The following CACNA1S variants were observed in gnomAD, a reference collection of about 807,000 sequenced individuals.
CACNA1S encodes the protein calcium voltage-gated channel subunit alpha1 S.
In CACNA1S, 126 loss-of-function variants were observed where a neutral mutation model predicts 207.4. That is an observed-to-expected ratio of 0.61 (90% confidence interval 0.53 to 0.70). The LOEUF (loss-of-function observed/expected upper bound fraction) is 0.70, where lower values mean the gene tolerates loss of function less well. CACNA1S is among the 30% of genes least tolerant of loss of function. The probability of loss-of-function intolerance (pLI) is 0.00; values close to 1 mark genes in which losing one functional copy is unlikely to be tolerated. For synonymous variants in CACNA1S, 960 were observed against 932.7 expected, an observed-to-expected ratio of 1.03 and a Z score of -0.53; for missense variants, 2,349 against 2,422.8, an observed-to-expected ratio of 0.97 and a Z score of 0.64.
chr1:201,111,112 C>A (rs1255082639), intron 1 of CACNA1S, among the ~76,000 whole-genome samples: 1 of 152,072 alleles, frequency 6.6e-6, no homozygotes, highest in Admixed American at 6.5e-5. Flanking sequence ...ACAGAGTAAA[C>A]CTGATTGCAG....
At chr1:201,100,399 C>T (rs1047648593) in intron 2 of CACNA1S, among the ~76,000 whole-genome samples, 7 of 152,232 alleles carry the variant, frequency 4.6e-5, no homozygotes, top group African/African-American at 1.7e-4. Context: ...AGGGCCCTGG[C>T]ATCTCCACAA....
intron 2 of CACNA1S, 29 bp from the exon 3 acceptor site, chr1:201,094,050 C>T: frequency 6.2e-7 from 1 of 1,613,950 alleles, no homozygotes; most frequent in South Asian, 1.1e-5. Context: ...TCACAGCATG[C>T]CTCTGTGCTC....
At position 201,040,250 on chromosome 1, in the gene CACNA1S, G is replaced by A; in HGVS notation, c.5351C>T (p.Thr1784Ile). 8.7e-6 allele frequency: 14 copies of A among 1,613,730 alleles called. No individual in the cohort carries two copies. Among genetic ancestry groups the A allele is most frequent in the Non-Finnish European group, 1.2e-5 (14 of 1,180,018 alleles). Residue 1784 changes from threonine to isoleucine, a missense_variant, in exon 43 of 44, where the codon ACA becomes ATA. Thr to Ile is a moderately conservative substitution (Grantham distance 89). Transcript: ENST00000362061. ...ENTSRCSAPA[T>I]ALLIQKALVR... Reference sequence around the variant, plus strand: ...GCTCACCTTTTGGATCAGCAGGGCTGTAGCTGGTGCTGAGCACCTGGAAGT... The same window carrying A: ...GCTCACCTTTTGGATCAGCAGGGCTATAGCTGGTGCTGAGCACCTGGAAGT...
At chr1:201,085,360 C>A (rs1327066077) in intron 8 of CACNA1S, 76 bp downstream of exon 8, 1 of 1,588,338 alleles carries the variant, frequency 6.3e-7, no homozygotes, top group Non-Finnish European at 8.6e-7. Context: ...GCTCAGTGGG[C>A]CTGATTGCAA....
At chr1:201,054,470 A>G (rs754046110) in intron 29 of CACNA1S, 35 bp downstream of exon 29, 2 of 1,607,004 alleles carry the variant, frequency 1.2e-6, no homozygotes, top group Admixed American at 1.7e-5. Context: ...GGAGCTGGTG[A>G]GCGTGCCAGG....
At position 201,063,473 on chromosome 1, in the gene CACNA1S, GA is replaced by G. The variant is rs372740128; in HGVS notation, c.2854-960del. Among the ~76,000 whole-genome samples the G allele has an allele frequency of 5.5e-4, 84 of 152,096 alleles. 1 individual carries two copies. Among genetic ancestry groups the G allele is most frequent in the African/African-American group, 2.0e-3 (81 of 41,510 alleles). ...CCCAGCTAATTTTTGTATTTTTAGT[GA>G]GAAGGGGTTTCACCATGTTGGTCAG... is the stretch of plus-strand genomic sequence containing the variant. On this transcript the variant is annotated intron_variant, in intron 22 of 43. Transcript: ENST00000362061.
chr1:201,062,739 G>C (rs1661107668), intron 22 of CACNA1S, among the ~76,000 whole-genome samples: 1 of 152,208 alleles, frequency 6.6e-6, no homozygotes, highest in East Asian at 1.9e-4. Flanking sequence ...GCTCCCCCAG[G>C]GCTTCCCCAC....
At chr1:201,065,188 A>T (rs752037066) in intron 22 of CACNA1S, among the ~76,000 whole-genome samples, 1 of 152,254 alleles carries the variant, frequency 6.6e-6, no homozygotes, top group Non-Finnish European at 1.5e-5. Flanking sequence ...GACTTGCCAC[A>T]TATTAGCCTT....
chr1:201,078,652 C>G (rs1661721803), intron 10 of CACNA1S, among the ~76,000 whole-genome samples: 1 of 152,046 alleles, frequency 6.6e-6, no homozygotes, highest in African/African-American at 2.4e-5. Context: ...GCTACTCTCT[C>G]ATTCCTATAC....
Position 201,070,235 on chromosome 1 carries a change from G to T in CACNA1S, c.2360+37C>A, listed in dbSNP as rs138504004. 2.1e-4 allele frequency: 345 copies of T among 1,611,858 alleles called. 3 individuals are homozygous for T. In the African/African-American group the frequency reaches 2.6e-3, roughly 12 times the overall value. On this transcript the variant is annotated intron_variant, in intron 17 of 43. Transcript: ENST00000362061. Reference sequence around the variant, plus strand: ...TAGGGCAGGGAAGCAGATGAGAGCCGCATCAATCACCCCCACAGCAGCCAA... The same window carrying T: ...TAGGGCAGGGAAGCAGATGAGAGCCTCATCAATCACCCCCACAGCAGCCAA...
At chr1:201,040,433 C>G (rs932904323) in intron 42 of CACNA1S, 59 bp from the exon 43 acceptor site, 7 of 1,599,228 alleles carry the variant, frequency 4.4e-6, no homozygotes, top group Non-Finnish European at 6.0e-6. Context: ...CACCAATGAG[C>G]AAAATTCCAG....
intron 2 of CACNA1S, among the ~76,000 whole-genome samples, chr1:201,097,299 A>G (rs1662469124): frequency 6.6e-6 from 1 of 151,796 alleles, no homozygotes; most frequent in African/African-American, 2.4e-5. Context: ...TACCAGAAAA[A>G]TCCAAATGCG....
At chr1:201,088,480 T>C (rs961720893) in intron 6 of CACNA1S, among the ~76,000 whole-genome samples, 2 of 152,186 alleles carry the variant, frequency 1.3e-5, no homozygotes, top group African/African-American at 4.8e-5. Context: ...GTACTAATCC[T>C]TGGTATTTGC....
At chr1:201,069,745 G>T in intron 17 of CACNA1S, 144 bp from the exon 18 acceptor site, 2 of 1,009,306 alleles carry the variant, frequency 2.0e-6, no homozygotes, top group Non-Finnish European at 1.5e-6. Context: ...CACCTGCAGG[G>T]TCCTCTGGCT....
intron 2 of CACNA1S, among the ~76,000 whole-genome samples, chr1:201,107,688 C>T (rs1432358201): frequency 6.6e-6 from 1 of 152,240 alleles, no homozygotes; most frequent in Non-Finnish European, 1.5e-5. Context: ...GCCAATAGGG[C>T]AAGAGAGAGA....
At chr1:201,107,229 C>T (rs530881961) in intron 2 of CACNA1S, among the ~76,000 whole-genome samples, 19 of 152,228 alleles carry the variant, frequency 1.2e-4, no homozygotes, top group Non-Finnish European at 2.5e-4. Flanking sequence ...AATGTGGGGC[C>T]CTTCTGAGTG....
chr1:201,108,658 A>G (rs1407402914), intron 2 of CACNA1S, among the ~76,000 whole-genome samples: 1 of 152,168 alleles, frequency 6.6e-6, no homozygotes, highest in African/African-American at 2.4e-5. Flanking sequence ...TCAGGAGCTC[A>G]GAGTGTTTTC....
At chr1:201,077,222 T>A in intron 11 of CACNA1S, 95 bp from the exon 12 acceptor site, 4 of 1,057,262 alleles carry the variant, frequency 3.8e-6, no homozygotes, top group Non-Finnish European at 4.3e-6. Context: ...TCAGGACTGA[T>A]GTGACACAGA....
At chr1:201,108,308 G>T (rs186197776) in intron 2 of CACNA1S, among the ~76,000 whole-genome samples, 1 of 152,040 alleles carries the variant, frequency 6.6e-6, no homozygotes, top group Non-Finnish European at 1.5e-5. Flanking sequence ...TCTCTATGTT[G>T]CCCAGGCTGG....
Sources: gnomAD v4.1 joint callset for allele counts (sites outside exome capture counted in the v4.1 genomes callset) on GRCh38, gnomAD v4.1.1 for gene constraint, MANE v1.5 for transcripts, NCBI Gene and HGNC (gene_info 2026-07-23, HGNC 2026-07-21) for gene names.